The following SLC22A25 variants were observed in gnomAD, a reference collection of about 807,000 sequenced individuals.
The protein encoded by SLC22A25 is MGI:2442751, MGI:2385316, MGI:3042283, MGI:3645714, MGI:3605624, MGI:2442750.
Under a neutral mutation model 45.9 loss-of-function variants are expected in SLC22A25, and 44 were observed. The observed-to-expected ratio is 0.96, with a 90% CI of 0.75 to 1.23. SLC22A25 has a LOEUF of 1.23. Among genes scored for constraint, SLC22A25 ranks in the 50% most tolerant of loss-of-function variants. The pLI is 0.00. For synonymous variants in SLC22A25, 283 were observed against 238.6 expected, an observed-to-expected ratio of 1.19 and a Z score of -1.72; for missense variants, 800 against 666.4, an observed-to-expected ratio of 1.20 and a Z score of -2.21.
At chr11:63,196,565 C>G (rs1341684019) in intron 7 of SLC22A25, among the ~76,000 whole-genome samples, 1 of 152,160 alleles carries the variant, frequency 6.6e-6, no homozygotes, top group African/African-American at 2.4e-5. Context: ...GCCCTTCATG[C>G]TGAAAACTCT....
chr11:63,233,372 A>G (rs892752501), intron 3 of SLC22A25, among the ~76,000 whole-genome samples: 2 of 152,128 alleles, frequency 1.3e-5, no homozygotes, highest in Admixed American at 6.5e-5. Flanking sequence ...GGGCGGGTGT[A>G]TGTGTCAAGG....
chr11:63,206,824 G>C lies in SLC22A25; in HGVS notation c.830+10490C>G, dbSNP rs117296256. Among the ~76,000 whole-genome samples, 301 of 152,174 alleles carry C rather than the reference G, an allele frequency of 2.0e-3. 1 individual carries two copies. The East Asian group carries it at 0.022, about 11-fold the overall frequency. ...CTACAAAAGAGCCTACGTAGCCAAG[G>C]CAATGTTAAGCAAAAAGAACAAAGC... is the stretch of plus-strand genomic sequence containing the variant. On this transcript the variant is annotated intron_variant, in intron 7 of 11. Transcript: ENST00000306494.
intron 7 of SLC22A25, among the ~76,000 whole-genome samples, chr11:63,205,486 C>T (rs543867335): frequency 6.6e-6 from 1 of 152,206 alleles, no homozygotes; most frequent in Admixed American, 6.5e-5. Flanking sequence ...CTGCTGATCC[C>T]ATAGAAATAC....
intron 5 of SLC22A25, among the ~76,000 whole-genome samples, chr11:63,219,346 C>G (rs2089796611): frequency 6.6e-6 from 1 of 152,120 alleles, no homozygotes. Flanking sequence ...AAGAGAATCA[C>G]CTTTCTGACT....
intron 3 of SLC22A25, among the ~76,000 whole-genome samples, chr11:63,232,174 T>G (rs1590916476): frequency 1.3e-5 from 2 of 152,150 alleles, no homozygotes; most frequent in Admixed American, 1.3e-4. Flanking sequence ...GTGAAGAAAG[T>G]CATTGGTAGC....
intron 7 of SLC22A25, among the ~76,000 whole-genome samples, chr11:63,188,386 G>A (rs1344014646): frequency 6.6e-6 from 1 of 152,118 alleles, no homozygotes; most frequent in Non-Finnish European, 1.5e-5. Context: ...GGGATCGGTG[G>A]TGATATCCCC....
At chr11:63,219,156 A>G (rs1158581152) in intron 5 of SLC22A25, among the ~76,000 whole-genome samples, 3 of 152,224 alleles carry the variant, frequency 2.0e-5, no homozygotes, top group African/African-American at 7.2e-5. Context: ...TAATTAGAAT[A>G]AATTTAATGG....
chr11:63,233,847 A>G (rs901996952), intron 3 of SLC22A25, among the ~76,000 whole-genome samples: 20 of 152,118 alleles, frequency 1.3e-4, no homozygotes, highest in East Asian at 9.6e-4. Context: ...CTTTGTTCTC[A>G]TTGGTTTCAA....
In SLC22A25 at chr11:63,238,780, A is replaced by G. The variant is rs1425779940; in HGVS notation, c.-640T>C. 3 of 229,230 alleles carry G rather than the reference A, an allele frequency of 1.3e-5. No individual in the cohort carries two copies. Among genetic ancestry groups the G allele is most frequent in the Non-Finnish European group, 2.9e-5 (3 of 104,116 alleles). 14.2% of individuals were successfully genotyped at this position (229,230 alleles called of 1,614,324 possible). Reference sequence around the variant, plus strand: ...CACCCTGCTGTCCACACACGGTTCCATGTCTGGTTCATTCATATTGAGGAA... The same window carrying G: ...CACCCTGCTGTCCACACACGGTTCCGTGTCTGGTTCATTCATATTGAGGAA... On this transcript the variant is annotated 5_prime_UTR_variant, in exon 2 of 12. The change abolishes an upstream ATG in the 5' untranslated region. Transcript: ENST00000306494.
At chr11:63,165,269 A>G (rs1380571343) in intron 10 of SLC22A25, among the ~76,000 whole-genome samples, 5 of 150,100 alleles carry the variant, frequency 3.3e-5, no homozygotes, top group Admixed American at 6.7e-5. Flanking sequence ...GCCTCATGTC[A>G]TTGGAGTGGG....
At position 63,217,308 on chromosome 11, in the gene SLC22A25, C is replaced by G. The variant is rs2089737376; in HGVS notation, c.830+6G>C. 1.2e-6 allele frequency: 2 copies of G among 1,612,182 alleles called. No individual in the cohort carries two copies. The highest frequency in any genetic ancestry group is 1.7e-6 in the Non-Finnish European group (2 of 1,179,318). On this transcript the variant is annotated splice_donor_region_variant and intron_variant, in intron 7 of 11. Transcript: ENST00000306494. ...ATATGGCAAAAGAAGAATGCAAGCT[C>G]AATACCTTGAGAACAGAAAGAAGAC...
At chr11:63,219,965 ACCTCAAGTC>A (rs1186402789) in intron 5 of SLC22A25, 1 of 1,289,266 alleles carries the variant, frequency 7.8e-7, no homozygotes, top group South Asian at 1.2e-5. Flanking sequence ...GGCAATGGGC[ACCTCAAGTC>A]CCTCGTCACA....
chr11:63,179,258 A>G (rs965608233), intron 9 of SLC22A25, among the ~76,000 whole-genome samples: 2 of 151,912 alleles, frequency 1.3e-5, no homozygotes, highest in Admixed American at 6.6e-5. Flanking sequence ...TGCCTGGTCT[A>G]TATCTCTCCA....
chr11:63,175,233 G>A (rs2186721), intron 9 of SLC22A25, among the ~76,000 whole-genome samples: 74,611 of 151,872 alleles, frequency 0.49, 19,222 homozygotes, highest in Non-Finnish European at 0.57. Flanking sequence ...AGTGTACAAT[G>A]GTTCCAATTT....
At chr11:63,184,989 C>T (rs1852069) in intron 7 of SLC22A25, among the ~76,000 whole-genome samples, 150,311 of 152,208 alleles carry the variant, frequency 0.99, 74,255 homozygotes, top group Middle Eastern at 1. Context: ...CAGGAGTACA[C>T]TGTAACCCAA....
Position 63,178,913 on chromosome 11 carries a change from C to T in SLC22A25, c.1070+1747G>A, listed in dbSNP as rs78979701. Among the ~76,000 whole-genome samples, 1,037 of 151,866 alleles carry T rather than the reference C, an allele frequency of 6.8e-3. 11 individuals are homozygous for T. The highest frequency in any genetic ancestry group is 0.023 in the African/African-American group (955 of 41,466). On this transcript the variant is annotated intron_variant, in intron 9 of 11. Coordinates refer to ENST00000306494, the MANE Select transcript of SLC22A25 (RefSeq NM_199352.6). Reference sequence around the variant, plus strand: ...ATAGCAATGTCCTAAAGGATTTCCTCAATGCTTTCTTCTAGTATTATCATA... The same window carrying T: ...ATAGCAATGTCCTAAAGGATTTCCTTAATGCTTTCTTCTAGTATTATCATA...
chr11:63,243,104 A>AGG (rs1440918976), intron 1 of SLC22A25: 1 of 165,010 alleles, frequency 6.1e-6, no homozygotes, highest in Non-Finnish European at 1.3e-5. Context: ...CTGGGCTGTG[A>AGG]GGTAGACCCG....
chr11:63,215,245 T>C (rs1590883099), intron 7 of SLC22A25, among the ~76,000 whole-genome samples: 1 of 152,318 alleles, frequency 6.6e-6, no homozygotes, highest in East Asian at 1.9e-4. Flanking sequence ...TAGAATATTA[T>C]GCAGCCATAA....
At chr11:63,219,941 T>G in intron 5 of SLC22A25, 2 of 1,289,226 alleles carry the variant, frequency 1.6e-6, no homozygotes, top group Non-Finnish European at 2.0e-6. Flanking sequence ...CCAGAAGACG[T>G]GATGCTGGTG....
Sources: gnomAD v4.1 joint callset for allele counts (sites outside exome capture counted in the v4.1 genomes callset) on GRCh38, gnomAD v4.1.1 for gene constraint, MANE v1.5 for transcripts, NCBI Gene and HGNC (gene_info 2026-07-23, HGNC 2026-07-21) for gene names.